The following COMMD6 variants were observed in gnomAD, a reference collection of about 807,000 sequenced individuals.
The protein encoded by COMMD6 is COMM domain-containing protein 6.
Under a neutral mutation model 13.4 loss-of-function variants are expected in COMMD6, and 11 were observed. The ratio of observed to expected loss-of-function variants is 0.82; its 90% CI spans 0.52 to 1.36. The LOEUF is 1.36. COMMD6 is among the 40% of genes most tolerant of loss of function. The pLI is 0.00. For missense variants in COMMD6, 124 were observed against 102.4 expected, an observed-to-expected ratio of 1.21 and a Z score of -0.91; for synonymous variants, 43 against 36.5, an observed-to-expected ratio of 1.18 and a Z score of -0.64.
Position 75,526,484 on chromosome 13 carries a change from T to C in COMMD6, c.*105A>G, listed in dbSNP as rs1373951986. 9.0e-5 allele frequency: 71 copies of C among 787,156 alleles called. No homozygotes were observed. The highest frequency in any genetic ancestry group is 5.6e-5 in the Non-Finnish European group (27 of 483,358). The allele number at this position is 787,156 out of a possible 1,614,324, so 48.8% of individuals were successfully genotyped here. A position where few individuals can be genotyped will look rare whatever the true frequency, so the allele number is the denominator to read the frequency against. On this transcript the variant is annotated 3_prime_UTR_variant, in exon 4 of 4. Coordinates refer to ENST00000682242, the MANE Select transcript of COMMD6 (RefSeq NM_203495.4). Reference sequence around the variant, plus strand: ...ATTTAAAAAAATGGAAAAACAAAAGTGCATTTTTCATTCAATAAATGTTCC... The same window carrying C: ...ATTTAAAAAAATGGAAAAACAAAAGCGCATTTTTCATTCAATAAATGTTCC...
chr13:75,531,810 A>G (rs1032019698), intron 2 of COMMD6, among the ~76,000 whole-genome samples: 3 of 152,248 alleles, frequency 2.0e-5, no homozygotes, highest in Non-Finnish European at 4.4e-5. Flanking sequence ...TTTAGCTAGT[A>G]AAACTGAAGC....
chr13:75,548,837 C>A (rs1320360175), intron 1 of COMMD6, among the ~76,000 whole-genome samples: 1 of 152,176 alleles, frequency 6.6e-6, no homozygotes, highest in Non-Finnish European at 1.5e-5. Context: ...TGCTTAAGAT[C>A]CTTCAGTGGT....
At chr13:75,529,616 T>C (rs988465572) in intron 3 of COMMD6, 1 of 151,370 alleles carries the variant, frequency 6.6e-6, no homozygotes, top group African/African-American at 2.4e-5. Context: ...AGAGGTAGAA[T>C]GATAATATGG....
chr13:75,540,325 TACACACACACACACACACCCACACAC>T (rs1220427252), upstream of COMMD6, among the ~76,000 whole-genome samples: 2 of 101,928 alleles, frequency 2.0e-5, no homozygotes, highest in African/African-American at 7.1e-5. Context: ...GGGTGGTAAA[TACACACACACACACACACCCACACAC>T]ACACACACAC....
intron 1 of COMMD6, among the ~76,000 whole-genome samples, chr13:75,547,792 G>A (rs1372700293): frequency 6.6e-6 from 1 of 152,236 alleles, no homozygotes; most frequent in African/African-American, 2.4e-5. Context: ...TCTGTAAGGT[G>A]AAAGACAAGT....
chr13:75,534,295 C>A (rs986828593), intron 2 of COMMD6, among the ~76,000 whole-genome samples: 1 of 152,104 alleles, frequency 6.6e-6, no homozygotes, highest in Non-Finnish European at 1.5e-5. Context: ...GCGTGCAATG[C>A]TAAGTTCCAC....
At chr13:75,526,767 A>G in intron 3 of COMMD6, 128 bp from the exon 4 acceptor site, 1 of 549,952 alleles carries the variant, frequency 1.8e-6, no homozygotes, top group East Asian at 3.2e-5. Context: ...TACATTCTCA[A>G]TTACTGAAGG....
At chr13:75,544,697 A>C (rs1259925075) in intron 1 of COMMD6, among the ~76,000 whole-genome samples, 1 of 152,232 alleles carries the variant, frequency 6.6e-6, no homozygotes, top group Non-Finnish European at 1.5e-5. Flanking sequence ...CAGGAGGCAG[A>C]GGTTGCAGTG....
At chr13:75,531,180 G>A (rs1169713582) in intron 2 of COMMD6, among the ~76,000 whole-genome samples, 1 of 152,094 alleles carries the variant, frequency 6.6e-6, no homozygotes, top group African/African-American at 2.4e-5. Context: ...TAGGATTTTT[G>A]TAAATCCCAC....
chr13:75,543,590 C>T (rs1448036225), upstream of COMMD6, among the ~76,000 whole-genome samples: 3 of 152,226 alleles, frequency 2.0e-5, no homozygotes, highest in Non-Finnish European at 2.9e-5. Context: ...TCTTGACAGT[C>T]ACCTAGGCCT....
rs991329366 is a variant in COMMD6, at chr13:75,525,923, C to T, written c.*666G>A. On this transcript the variant is annotated 3_prime_UTR_variant, in exon 4 of 4. Transcript: ENST00000682242. ...TAAATTCAACAGAGATCATCTAATG[C>T]AATAACTTGTGCTAACGGGTTAACT... 1 of 152,198 alleles carries T rather than the reference C, an allele frequency of 6.6e-6. No homozygotes were observed. Among genetic ancestry groups the T allele is most frequent in the Admixed American group, 6.5e-5 (1 of 15,288 alleles). 9.4% of individuals were successfully genotyped at this position (152,198 alleles called of 1,614,324 possible).
intron 2 of COMMD6, among the ~76,000 whole-genome samples, chr13:75,533,570 GA>G (rs57092186): frequency 0.69 from 90,369 of 130,828 alleles, 30,159 homozygotes; most frequent in Non-Finnish European, 0.77. Flanking sequence ...CCCCAAATCT[GA>G]AAAAAAAAAA....
chr13:75,537,158 CT>C (rs1175544386), intron 2 of COMMD6, among the ~76,000 whole-genome samples: 2 of 152,184 alleles, frequency 1.3e-5, no homozygotes, highest in Non-Finnish European at 2.9e-5. Flanking sequence ...AATTATTTGC[CT>C]ACAAATAGTT....
chr13:75,544,949 A>C (rs1394381729), intron 1 of COMMD6, among the ~76,000 whole-genome samples: 1 of 150,850 alleles, frequency 6.6e-6, no homozygotes, highest in Non-Finnish European at 1.5e-5. Flanking sequence ...AAAACAAAAA[A>C]CAAGACTTAA....
At chr13:75,544,998 A>T (rs1277191883) in intron 1 of COMMD6, among the ~76,000 whole-genome samples, 3 of 151,914 alleles carry the variant, frequency 2.0e-5, no homozygotes, top group African/African-American at 7.2e-5. Context: ...ACAGCTAGAT[A>T]GTCATGATTT....
chr13:75,541,300 A>G (rs537158899), upstream of COMMD6, among the ~76,000 whole-genome samples: 5 of 152,322 alleles, frequency 3.3e-5, no homozygotes, highest in African/African-American at 1.2e-4. Context: ...TAGCAGCTTC[A>G]GGGTCAACAG....
intron 1 of COMMD6, among the ~76,000 whole-genome samples, chr13:75,547,195 A>G (rs1041096793): frequency 3.3e-5 from 5 of 152,108 alleles, no homozygotes; most frequent in African/African-American, 7.2e-5. Flanking sequence ...ATTCACTGAC[A>G]AAAATCTCAA....
chr13:75,530,214 C>A lies in COMMD6; in HGVS notation c.107G>T (p.Arg36Ile). The A allele has an allele frequency of 1.2e-6, 2 of 1,613,724 alleles. No homozygotes were observed. Among genetic ancestry groups the A allele is most frequent in the Non-Finnish European group, 1.7e-6 (2 of 1,179,724 alleles). The part of the protein sequence containing the change: ...LGMAVSSDTC[R>I]SLKYPYVAVM... ...TGCAACGTAAGGATACTTAAGAGAT[C>A]TGCAAGTGTCTGAGCTCACAGCCAT... Residue 36 changes from arginine (R) to isoleucine (I), a missense_variant, in exon 3 of 4, where the codon AGA becomes ATA. Transcript: ENST00000682242.
At chr13:75,529,975 A>G (rs1055711437) in intron 3 of COMMD6, 139 bp downstream of exon 3, 12 of 637,834 alleles carry the variant, frequency 1.9e-5, no homozygotes, top group African/African-American at 5.5e-5. Context: ...TGTCTCTTGC[A>G]TATACTACTA....
Sources: gnomAD v4.1 joint callset for allele counts (sites outside exome capture counted in the v4.1 genomes callset) on GRCh38, gnomAD v4.1.1 for gene constraint, MANE v1.5 for transcripts, NCBI Gene and HGNC (gene_info 2026-07-23, HGNC 2026-07-21) for gene names.